SLC16A12: variants seen among roughly 807,000 people sequenced by gnomAD.
SLC16A12 encodes solute carrier family 16 member 12.
In SLC16A12, 17 loss-of-function variants were observed where a neutral mutation model predicts 42.4. The ratio of observed to expected loss-of-function variants is 0.40; its 90% confidence interval spans 0.27 to 0.60. The LOEUF is 0.60. Among genes scored for constraint, SLC16A12 ranks in the 20% least tolerant of loss-of-function variants. The probability of loss-of-function intolerance (pLI) is 0.42; values close to 1 mark genes in which losing one functional copy is unlikely to be tolerated. For missense variants in SLC16A12, 544 were observed against 623.0 expected, an observed-to-expected ratio of 0.87 and a Z score of 1.35; for synonymous variants, 224 against 229.4, an observed-to-expected ratio of 0.98 and a Z score of 0.21.
upstream of SLC16A12, among the ~76,000 whole-genome samples, chr10:89,537,047 C>T (rs1461184845): frequency 1.3e-5 from 2 of 151,668 alleles, no homozygotes; most frequent in African/African-American, 4.8e-5. Flanking sequence ...CCATGTTGGC[C>T]AGGCTGATCT....
Position 89,491,342 on chromosome 10 carries a change from G to A in SLC16A12, c.-46-28718C>T, listed in dbSNP as rs117860958. Among the ~76,000 whole-genome samples the A allele has an allele frequency of 5.7e-3, 871 of 152,038 alleles. 5 individuals are homozygous for A. The highest frequency in any genetic ancestry group is 0.01 in the Non-Finnish European group (696 of 68,004). ...ATGCCTCACAGGTGTGTGCCTAGAA[G>A]GACAAGCAGGGAGCCTCCATAAAAA... is the stretch of plus-strand genomic sequence containing the variant. On this transcript the variant is annotated intron_variant, in intron 2 of 7. Transcript: ENST00000371790.
intron 7 of SLC16A12, among the ~76,000 whole-genome samples, chr10:89,433,671 C>T (rs1188014923): frequency 6.6e-6 from 1 of 152,068 alleles, no homozygotes; most frequent in African/African-American, 2.4e-5. Context: ...AATAATTTAC[C>T]TAGGGTGTTA....
At chr10:89,495,788 G>C (rs1057075025) in intron 2 of SLC16A12, among the ~76,000 whole-genome samples, 1 of 152,200 alleles carries the variant, frequency 6.6e-6, no homozygotes, top group Non-Finnish European at 1.5e-5. Context: ...TGACAGAGCT[G>C]TGGCTTGCTG....
chr10:89,486,614 AGAAAGAAAGAAAGAAAGAAAG>A (rs1842750504), intron 2 of SLC16A12, among the ~76,000 whole-genome samples: 1 of 92,238 alleles, frequency 1.1e-5, no homozygotes. Context: ...AAAGAAAGAA[AGAAAGAAAGAAAGAAAGAAAG>A]AAAGAAAGAA....
chr10:89,553,042 T>C (rs938413842), intron 2 of SLC16A12, among the ~76,000 whole-genome samples: 11 of 152,156 alleles, frequency 7.2e-5, no homozygotes, highest in African/African-American at 2.7e-4. Context: ...GGTCAGGAGT[T>C]TGAGACCAGC....
At chr10:89,528,677 AT>A (rs1244119090) in intron 2 of SLC16A12, among the ~76,000 whole-genome samples, 1 of 152,136 alleles carries the variant, frequency 6.6e-6, no homozygotes, top group Non-Finnish European at 1.5e-5. Flanking sequence ...TTTCAATAAA[AT>A]TTTTTTCTAA....
At chr10:89,445,136 T>G (rs1354616792) in intron 3 of SLC16A12, among the ~76,000 whole-genome samples, 1 of 152,080 alleles carries the variant, frequency 6.6e-6, no homozygotes, top group African/African-American at 2.4e-5. Context: ...TCAACCAGAC[T>G]TCACCTCTGG....
intron 3 of SLC16A12, among the ~76,000 whole-genome samples, chr10:89,446,897 A>G (rs1842012697): frequency 6.6e-6 from 1 of 152,290 alleles, no homozygotes; most frequent in Non-Finnish European, 1.5e-5. Flanking sequence ...GGCTCAAAAT[A>G]AAGGGATGGA....
intron 2 of SLC16A12, among the ~76,000 whole-genome samples, chr10:89,519,866 G>A (rs2133852530): frequency 6.6e-6 from 1 of 152,246 alleles, no homozygotes; most frequent in African/African-American, 2.4e-5. Flanking sequence ...TGTAATCCCA[G>A]CACTTTGGGA....
At chr10:89,498,916 C>A (rs1387567826) in intron 2 of SLC16A12, among the ~76,000 whole-genome samples, 3 of 152,164 alleles carry the variant, frequency 2.0e-5, no homozygotes, top group African/African-American at 4.8e-5. Flanking sequence ...GAAGCCACAT[C>A]TATAGGAAAA....
At chr10:89,455,953 C>T (rs1842182418) in intron 3 of SLC16A12, 1 of 152,196 alleles carries the variant, frequency 6.6e-6, no homozygotes, top group Non-Finnish European at 1.5e-5. Flanking sequence ...CAAAGTATCA[C>T]CAAGTGTCAT....
intron 2 of SLC16A12, among the ~76,000 whole-genome samples, chr10:89,478,430 T>C (rs542600483): frequency 1.3e-5 from 2 of 152,280 alleles, no homozygotes; most frequent in South Asian, 4.1e-4. Flanking sequence ...AAACAAAAAC[T>C]GTGTTGCATA....
At chr10:89,513,672 C>A (rs993872630) in intron 2 of SLC16A12, among the ~76,000 whole-genome samples, 1 of 152,026 alleles carries the variant, frequency 6.6e-6, no homozygotes, top group African/African-American at 2.4e-5. Context: ...GGGTAAAAAT[C>A]AAAATATTTA....
In SLC16A12 at chr10:89,441,216, A is replaced by T; in HGVS notation, c.340T>A (p.Cys114Ser). Residue 114 changes from cysteine (C) to serine (S), a missense_variant, in exon 5 of 8, where the codon TGT (cysteine) becomes AGT (serine). Transcript: ENST00000371790. ...CCACCCAGCATGATTCCCACTTGAC[A>T]GGATAAATGGTTACTGACAACACTC... The part of the protein sequence containing the change: ...LGSVVSNHLS[C>S]QVGIMLGGLL... The T allele has an allele frequency of 6.2e-7, 1 of 1,614,092 alleles. No homozygotes were observed. The highest frequency in any genetic ancestry group is 8.5e-7 in the Non-Finnish European group (1 of 1,179,960).
intron 2 of SLC16A12, among the ~76,000 whole-genome samples, chr10:89,553,536 T>G (rs900182419): frequency 6.6e-6 from 1 of 152,226 alleles, no homozygotes; most frequent in African/African-American, 2.4e-5. Flanking sequence ...AGCTACTTGA[T>G]GACTCAATGA....
chr10:89,445,463 G>C (rs1383396264), intron 3 of SLC16A12, among the ~76,000 whole-genome samples: 3 of 152,160 alleles, frequency 2.0e-5, no homozygotes, highest in Non-Finnish European at 1.5e-5. Flanking sequence ...AGGCAAACAG[G>C]GTCTGGAGTG....
chr10:89,457,862 A>T (rs1250079978), intron 3 of SLC16A12, among the ~76,000 whole-genome samples: 2 of 152,188 alleles, frequency 1.3e-5, no homozygotes, highest in African/African-American at 4.8e-5. Context: ...GGAAACTGAG[A>T]GCAGCAGTAT....
chr10:89,515,740 G>C (rs1218900154), intron 2 of SLC16A12, among the ~76,000 whole-genome samples: 2 of 152,082 alleles, frequency 1.3e-5, no homozygotes, highest in African/African-American at 2.4e-5. Flanking sequence ...CTCCAGCCCA[G>C]AGCCATGGAA....
intron 3 of SLC16A12, among the ~76,000 whole-genome samples, chr10:89,453,410 CAT>C (rs1200608716): frequency 6.6e-6 from 1 of 152,204 alleles, no homozygotes; most frequent in Non-Finnish European, 1.5e-5. Context: ...AAAATTCAGA[CAT>C]GTACCACATA....
Sources: allele counts gnomAD v4.1 joint callset (sites outside exome capture counted in the v4.1 genomes callset), GRCh38; gene constraint gnomAD v4.1.1; transcripts MANE v1.5; gene names NCBI Gene and HGNC (gene_info 2026-07-23, HGNC 2026-07-21).